The following NDUFS7 variants were observed in gnomAD, a reference collection of about 807,000 sequenced individuals.
NDUFS7 encodes NADH:ubiquinone oxidoreductase core subunit S7.
Under a neutral mutation model 31.1 loss-of-function variants are expected in NDUFS7, and 11 were observed. That is an observed-to-expected ratio of 0.35 (90% CI 0.22 to 0.59). The LOEUF (loss-of-function observed/expected upper bound fraction) is 0.59. Ranked by LOEUF, NDUFS7 falls within the 20% of genes least tolerant of loss-of-function variation. The pLI is 0.79. For missense variants in NDUFS7, 263 were observed against 324.2 expected, an observed-to-expected ratio of 0.81 and a Z score of 1.45; for synonymous variants, 136 against 127.9, an observed-to-expected ratio of 1.06 and a Z score of -0.43.
Position 1,390,943 on chromosome 19 carries a change from T to TA in NDUFS7, c.302dup (p.Tyr101Ter). Residue 101 changes from tyrosine to a stop codon, truncating the protein, a stop_gained and frameshift_variant, in exon 5 of 8, where the codon TAC (tyrosine) becomes TAAC (stop). Coordinates refer to ENST00000233627, the MANE Select transcript of NDUFS7 (RefSeq NM_024407.5). LOFTEE classifies it high-confidence loss of function. ...GATGATGCACATGGCAGCACCCCGC[T>TA]ACGACATGGACCGCTTTGGCGTGGT... ...VEMMHMAAPRYDMDRFGVVFR... is the reference protein window; with the variant it reads ...VEMMHMAAPR The TA allele has an allele frequency of 1.2e-6, 2 of 1,612,654 alleles. No homozygotes were observed. Among genetic ancestry groups the TA allele is most frequent in the Non-Finnish European group, 1.7e-6 (2 of 1,179,874 alleles).
At chr19:1,387,390 C>T (rs999772319) in intron 1 of NDUFS7, among the ~76,000 whole-genome samples, 6 of 152,150 alleles carry the variant, frequency 3.9e-5, no homozygotes, top group African/African-American at 1.2e-4. Flanking sequence ...GTAGGCGGGA[C>T]GCCCCGGGTA....
At chr19:1,384,087 TC>T in intron 1 of NDUFS7, 145 bp downstream of exon 1, 1 of 899,218 alleles carries the variant, frequency 1.1e-6, no homozygotes. Flanking sequence ...CTCCTCGGGC[TC>T]CCCGCCCGGC....
intron 6 of NDUFS7, chr19:1,391,846 A>T (rs1298025061): frequency 6.7e-6 from 1 of 148,196 alleles, no homozygotes; most frequent in Non-Finnish European, 1.5e-5. Context: ...TAACATTTTA[A>T]AATATTTATT....
chr19:1,387,615 C>G, intron 1 of NDUFS7, 196 bp from the exon 2 acceptor site: 1 of 622,586 alleles, frequency 1.6e-6, no homozygotes, highest in Non-Finnish European at 2.9e-6. Context: ...CCTTCCGGGG[C>G]CATGCAGTCT....
At chr19:1,388,983 T>C in intron 4 of NDUFS7, 45 bp downstream of exon 4, 1 of 1,486,604 alleles carries the variant, frequency 6.7e-7, no homozygotes, top group Non-Finnish European at 9.2e-7. Flanking sequence ...CCAGGGCCTC[T>C]CTGCACACTC....
At chr19:1,389,361 A>G (rs2144616429) in intron 4 of NDUFS7, 1 of 467,834 alleles carries the variant, frequency 2.1e-6, no homozygotes, top group South Asian at 1.6e-5. Flanking sequence ...GTGTGGACAC[A>G]TGCATGTGTG....
At chr19:1,395,098 C>A in intron 7 of NDUFS7, 2 of 1,314,092 alleles carry the variant, frequency 1.5e-6, no homozygotes, top group Non-Finnish European at 2.0e-6. Context: ...AGGGCTGGGG[C>A]CGGGGGCCGG....
intron 7 of NDUFS7, chr19:1,394,865 G>A: frequency 1.8e-6 from 2 of 1,135,304 alleles, no homozygotes; most frequent in Non-Finnish European, 2.2e-6. Flanking sequence ...CAAGCCCTTT[G>A]TTCTGAACCT....
intron 2 of NDUFS7, 165 bp from the exon 3 acceptor site, chr19:1,388,360 A>T: frequency 1.5e-6 from 1 of 685,180 alleles, no homozygotes; most frequent in East Asian, 2.7e-5. Context: ...GGTCGGGGCG[A>T]TGGCCGCATG....
In NDUFS7 at chr19:1,387,653, T is replaced by G; in HGVS notation, c.17-158T>G. 8.7e-6 allele frequency: 6 copies of G among 688,556 alleles called. No homozygotes were observed. The South Asian group carries it at 9.2e-5, about 11-fold the overall frequency. 42.7% of individuals were successfully genotyped at this position (688,556 alleles called of 1,614,324 possible). ...AGCAGGGGACTAAGACTCTCTCGTGTTCTGAAAACCCCCTCGTTACCTAAC... is the reference window on the plus strand; with the variant it reads ...AGCAGGGGACTAAGACTCTCTCGTGGTCTGAAAACCCCCTCGTTACCTAAC... On this transcript the variant is annotated intron_variant, in intron 1 of 7. Coordinates refer to ENST00000233627, the MANE Select transcript of NDUFS7 (RefSeq NM_024407.5).
chr19:1,388,511 C>A lies in NDUFS7; in HGVS notation c.54-14C>A. On this transcript the variant is annotated splice_polypyrimidine_tract_variant and intron_variant, in intron 2 of 7. Transcript: ENST00000233627. ...CCTGGGACAGCCACTGACCCGCGTT[C>A]CATCTCCCGGCAGCTCCAGCGTGGG... 6.2e-7 allele frequency: 1 copy of A among 1,610,596 alleles called. No individual in the cohort carries two copies. The highest frequency in any genetic ancestry group is 8.5e-7 in the Non-Finnish European group (1 of 1,179,742).
chr19:1,390,633 G>A (rs1264316614), intron 4 of NDUFS7: 1 of 593,770 alleles, frequency 1.7e-6, no homozygotes, highest in Non-Finnish European at 3.0e-6. Flanking sequence ...GAGGAACTAT[G>A]TGATGAGGAC....
At chr19:1,388,481 A>C (rs2082524642) in intron 2 of NDUFS7, 44 bp from the exon 3 acceptor site, 2 of 1,575,670 alleles carry the variant, frequency 1.3e-6, no homozygotes, top group Non-Finnish European at 1.7e-6. Flanking sequence ...GGGGAGCTGG[A>C]GGGGCCTGGG....
At chr19:1,390,760 G>C in intron 4 of NDUFS7, 111 bp from the exon 5 acceptor site, 2 of 1,328,066 alleles carry the variant, frequency 1.5e-6, no homozygotes, top group Admixed American at 3.9e-5. Context: ...CACCTCTGCC[G>C]GCTGCCGCCC....
intron 3 of NDUFS7, 94 bp downstream of exon 3, chr19:1,388,687 T>C: frequency 1.4e-6 from 2 of 1,458,928 alleles, no homozygotes; most frequent in African/African-American, 1.4e-5. Flanking sequence ...CTGAGGTGCA[T>C]GGATGGGGCA....
At chr19:1,390,684 GGCTGGTGGGGCGC>G in intron 4 of NDUFS7, 174 bp from the exon 5 acceptor site, 1 of 624,658 alleles carries the variant, frequency 1.6e-6, no homozygotes, top group South Asian at 1.9e-5. Context: ...ATTTGAATGT[GGCTGGTGGGGCGC>G]GCTTTACAAC....
At chr19:1,385,120 T>C (rs1286914701) in intron 1 of NDUFS7, among the ~76,000 whole-genome samples, 5 of 152,194 alleles carry the variant, frequency 3.3e-5, no homozygotes, top group African/African-American at 1.2e-4. Flanking sequence ...AAGAATTGAA[T>C]GAAGGGCTAA....
In NDUFS7 at chr19:1,393,723, C is replaced by G. The variant is rs549979856; in HGVS notation, c.544+393C>G. 1 of 530,690 alleles carries G rather than the reference C, an allele frequency of 1.9e-6. No individual in the cohort carries two copies. Among genetic ancestry groups the G allele is most frequent in the Admixed American group, 3.2e-5 (1 of 30,840 alleles). The allele number at this position is 530,690 out of a possible 1,614,324, so 32.9% of individuals were successfully genotyped here. On this transcript the variant is annotated intron_variant, in intron 7 of 7. Coordinates refer to ENST00000233627, the MANE Select transcript of NDUFS7 (RefSeq NM_024407.5). This position sits in a 1 kb window ranked among gnomAD's most constrained non-coding sequence, Gnocchi z 7.3. The stretch of plus-strand genomic sequence containing the variant: ...AGGGCACGCAGGACTCCCTGGGACC[C>G]GGGGTGGCCGGATTTGGCAAATGAA...
Position 1,393,157 on chromosome 19 carries a change from C to T in NDUFS7, c.456-85C>T, listed in dbSNP as rs566592661. ...TAGGTGCCTGGCCTGCAGTTGAAGGCGGGTGGGGATGGGGCGAGGCCTCGT... is the reference window on the plus strand; with the variant it reads ...TAGGTGCCTGGCCTGCAGTTGAAGGTGGGTGGGGATGGGGCGAGGCCTCGT... On this transcript the variant is annotated intron_variant, in intron 6 of 7. Coordinates refer to ENST00000233627, the MANE Select transcript of NDUFS7 (RefSeq NM_024407.5). This position sits in a 1 kb window ranked among gnomAD's most constrained non-coding sequence, Gnocchi z 7.3. The T allele has an allele frequency of 1.0e-3, 1,037 of 1,018,506 alleles. 1 individual carries two copies. Among genetic ancestry groups the T allele is most frequent in the Non-Finnish European group, 1.1e-3 (757 of 701,988 alleles). The allele number at this position is 1,018,506 out of a possible 1,614,324, so 63.1% of individuals were successfully genotyped here.
Sources: gnomAD v4.1 joint callset for allele counts (sites outside exome capture counted in the v4.1 genomes callset) on GRCh38, gnomAD v4.1.1 for gene constraint, Gnocchi (gnomAD v3.1) non-coding constraint, MANE v1.5 for transcripts, NCBI Gene and HGNC (gene_info 2026-07-23, HGNC 2026-07-21) for gene names.